The following KCNH7 variants were observed in gnomAD, a reference collection of about 807,000 sequenced individuals.
KCNH7 encodes voltage-gated inwardly rectifying potassium channel KCNH7.
In KCNH7, 49 loss-of-function variants were observed where a neutral mutation model predicts 120.8. The ratio of observed to expected loss-of-function variants is 0.41; its 90% CI spans 0.32 to 0.51. The LOEUF (loss-of-function observed/expected upper bound fraction) is 0.51, where lower values mean the gene tolerates loss of function less well. KCNH7 is among the 20% of genes least tolerant of loss of function. KCNH7 has a pLI of 0.38. For synonymous variants in KCNH7, 547 were observed against 516.1 expected, an observed-to-expected ratio of 1.06 and a Z score of -0.81; for missense variants, 1,097 against 1,446.6, an observed-to-expected ratio of 0.76 and a Z score of 3.92.
intron 9 of KCNH7, among the ~76,000 whole-genome samples, chr2:162,400,699 T>G (rs1687042366): frequency 6.6e-6 from 1 of 151,922 alleles, no homozygotes; most frequent in African/African-American, 2.4e-5. Context: ...ATATAATGCC[T>G]ACAACTTTTC....
intron 2 of KCNH7, among the ~76,000 whole-genome samples, chr2:162,587,690 G>A (rs1694062601): frequency 1.3e-5 from 2 of 151,850 alleles, no homozygotes; most frequent in African/African-American, 4.8e-5. Flanking sequence ...AGACACTAGT[G>A]TGTGCAATGG....
chr2:162,373,955 CACTG>C (rs1377285243), intron 14 of KCNH7, among the ~76,000 whole-genome samples: 1 of 152,154 alleles, frequency 6.6e-6, no homozygotes, highest in Non-Finnish European at 1.5e-5. Context: ...ATGTAAAACA[CACTG>C]ACAATTTATT....
At chr2:162,681,346 G>A (rs1348322079) in intron 2 of KCNH7, among the ~76,000 whole-genome samples, 1 of 151,722 alleles carries the variant, frequency 6.6e-6, no homozygotes, top group Non-Finnish European at 1.5e-5. Flanking sequence ...AAGGATGAGA[G>A]TGGTGATTGA....
chr2:162,605,016 T>A (rs1045733234), intron 2 of KCNH7, among the ~76,000 whole-genome samples: 20 of 152,104 alleles, frequency 1.3e-4, no homozygotes, highest in Non-Finnish European at 2.8e-4. Flanking sequence ...AAATGCTTAT[T>A]AATTATTTCA....
At chr2:162,664,969 T>C (rs1346494187) in intron 2 of KCNH7, among the ~76,000 whole-genome samples, 1 of 152,148 alleles carries the variant, frequency 6.6e-6, no homozygotes, top group Admixed American at 6.5e-5. Flanking sequence ...TGTGGAGATG[T>C]TAAATATTTT....
chr2:162,452,382 C>G lies in KCNH7; in HGVS notation c.1129-5939G>C, dbSNP rs139894893. Among the ~76,000 whole-genome samples, 150 of 152,176 alleles carry G rather than the reference C, an allele frequency of 9.9e-4. 2 individuals carry two copies. The highest frequency in any genetic ancestry group is 3.5e-3 in the African/African-American group (144 of 41,536). On this transcript the variant is annotated intron_variant, in intron 6 of 15. Coordinates refer to ENST00000332142, the MANE Select transcript of KCNH7 (RefSeq NM_033272.4). ...GGTTTACAAACATCATAGAGGCTTA[C>G]CTCTGTAAGAATTGAGTTGGTTTCT...
chr2:162,631,985 G>GA (rs980409499), intron 2 of KCNH7, among the ~76,000 whole-genome samples: 3 of 151,776 alleles, frequency 2.0e-5, no homozygotes, highest in African/African-American at 4.8e-5. Context: ...AAATGTAAGG[G>GA]AAAAAACTAC....
At chr2:162,756,723 A>G (rs1037383597) in intron 2 of KCNH7, among the ~76,000 whole-genome samples, 1 of 152,166 alleles carries the variant, frequency 6.6e-6, no homozygotes, top group Non-Finnish European at 1.5e-5. Context: ...TTGGCCTCCC[A>G]AAGTGCTAGG....
chr2:162,589,836 C>T (rs778152150), intron 2 of KCNH7, among the ~76,000 whole-genome samples: 1 of 152,082 alleles, frequency 6.6e-6, no homozygotes. Flanking sequence ...TTTGAAAGTA[C>T]TATGTCTGCT....
At chr2:162,647,853 C>A (rs930387443) in intron 2 of KCNH7, among the ~76,000 whole-genome samples, 4 of 152,088 alleles carry the variant, frequency 2.6e-5, no homozygotes, top group Admixed American at 6.6e-5. Context: ...ACCCTAAACA[C>A]CTTGGGAATA....
chr2:162,534,400 G>T (rs1692035172), intron 3 of KCNH7, among the ~76,000 whole-genome samples: 1 of 151,154 alleles, frequency 6.6e-6, no homozygotes, highest in South Asian at 2.1e-4. Context: ...AATAATAAAA[G>T]AAATGAGAAA....
At chr2:162,689,189 G>A (rs929251602) in intron 2 of KCNH7, among the ~76,000 whole-genome samples, 1 of 150,268 alleles carries the variant, frequency 6.7e-6, no homozygotes. Context: ...TTTCACTCTT[G>A]TTGCAGGCTG....
chr2:162,584,279 G>A (rs551779959), intron 2 of KCNH7, among the ~76,000 whole-genome samples: 1 of 152,072 alleles, frequency 6.6e-6, no homozygotes, highest in African/African-American at 2.4e-5. Flanking sequence ...TCATGGGAGG[G>A]AAACATCATC....
intron 2 of KCNH7, among the ~76,000 whole-genome samples, chr2:162,555,039 T>C (rs1049929965): frequency 2.6e-5 from 4 of 152,182 alleles, no homozygotes; most frequent in Admixed American, 6.5e-5. Flanking sequence ...TAAAAAGATA[T>C]GTTGTGCAAA....
In KCNH7 at chr2:162,446,270, A is replaced by G. The variant is rs373236797; in HGVS notation, c.1302T>C (p.Asn434=). The G allele has an allele frequency of 3.0e-5, 48 of 1,613,842 alleles. No individual in the cohort carries two copies. In the East Asian group the frequency reaches 5.1e-4, roughly 17 times the overall value. ...FTPYSAAFLL[N]DREEQKRREC... is the part of the protein sequence containing the mutation. ...CTCGTCTTTTCTGTTCTTCTCTGTC[A>G]TTGAGGAGGAAGGCTGCAGAGTAGG... Residue 434 remains asparagine, a synonymous_variant, in exon 7 of 16, where the codon AAT becomes AAC. Transcript: ENST00000332142.
At chr2:162,557,374 G>A (rs1692893022) in intron 2 of KCNH7, among the ~76,000 whole-genome samples, 1 of 152,142 alleles carries the variant, frequency 6.6e-6, no homozygotes, top group Non-Finnish European at 1.5e-5. Context: ...AAGCTATTGG[G>A]CCAATTAAGG....
intron 2 of KCNH7, among the ~76,000 whole-genome samples, chr2:162,720,450 G>T (rs941161976): frequency 6.6e-6 from 1 of 151,846 alleles, no homozygotes; most frequent in Admixed American, 6.6e-5. Context: ...TGGTAGTGGC[G>T]TGCTCACAGG....
chr2:162,801,052 T>A (rs1016841700), intron 2 of KCNH7, among the ~76,000 whole-genome samples: 1 of 151,894 alleles, frequency 6.6e-6, no homozygotes, highest in South Asian at 2.1e-4. Context: ...TTTAAAGCCA[T>A]GTTTATATTT....
intron 7 of KCNH7, 146 bp from the exon 8 acceptor site, chr2:162,435,743 C>T (rs2105522813): frequency 3.1e-6 from 2 of 647,758 alleles, no homozygotes; most frequent in South Asian, 3.0e-5. Context: ...AAACTTGGTT[C>T]TTTTTTTTTT....
Sources: allele counts gnomAD v4.1 joint callset (sites outside exome capture counted in the v4.1 genomes callset), GRCh38; gene constraint gnomAD v4.1.1; transcripts MANE v1.5; gene names NCBI Gene and HGNC (gene_info 2026-07-23, HGNC 2026-07-21).